The following CHD9 variants were observed in gnomAD, a reference collection of about 807,000 sequenced individuals.
CHD9 encodes ATP-dependent chromatin remodeler CHD9.
In CHD9, 77 loss-of-function variants were observed where a neutral mutation model predicts 316.1. The ratio of observed to expected loss-of-function variants is 0.24; its 90% CI spans 0.20 to 0.29. CHD9 has a LOEUF of 0.29. CHD9 is among the 10% of genes least tolerant of loss of function. The pLI, the probability that CHD9 is intolerant of heterozygous loss-of-function variation, is 1.00. For missense variants in CHD9, 2,763 were observed against 3,438.1 expected, an observed-to-expected ratio of 0.80 and a Z score of 4.91; for synonymous variants, 1,129 against 1,158.3, an observed-to-expected ratio of 0.97 and a Z score of 0.51.
intron 29 of CHD9, 61 bp downstream of exon 29, chr16:53,293,113 C>A: frequency 7.1e-7 from 1 of 1,404,194 alleles, no homozygotes; most frequent in Non-Finnish European, 9.8e-7. Flanking sequence ...ATTCTAAAGC[C>A]TGTCTGGGTA....
In CHD9 at chr16:53,314,882, T is replaced by C. The variant is rs1238933990; in HGVS notation, c.7422T>C (p.Tyr2474=). 1 of 1,613,766 alleles carries C rather than the reference T, an allele frequency of 6.2e-7. No individual in the cohort carries two copies. Among genetic ancestry groups the C allele is most frequent in the East Asian group, 2.2e-5 (1 of 44,870 alleles). ...ISTGINPALS[Y]TQPQGIPDTE... ...CAGGGATAAATCCAGCACTATCCTATACTCAACCTCAAGGAATTCCTGATA... is the reference window on the plus strand; with the variant it reads ...CAGGGATAAATCCAGCACTATCCTACACTCAACCTCAAGGAATTCCTGATA... The change falls in exon 36 of 39, where the codon TAT becomes TAC. Residue 2474 remains tyrosine (Y), a synonymous_variant. Transcript: ENST00000447540.
chr16:53,221,692 C>T (rs1182917048), intron 3 of CHD9, among the ~76,000 whole-genome samples: 1 of 152,038 alleles, frequency 6.6e-6, no homozygotes, highest in East Asian at 1.9e-4. Context: ...TATACTGACA[C>T]ATACATGCTT....
chr16:53,291,363 A>G (rs1455195820), intron 27 of CHD9, among the ~76,000 whole-genome samples: 4 of 152,266 alleles, frequency 2.6e-5, no homozygotes, highest in African/African-American at 9.6e-5. Context: ...ATGAAAATGA[A>G]TAAGTTATCT....
At position 53,142,146 on chromosome 16, in the gene CHD9, A is replaced by G. The variant is rs148222413; in HGVS notation, c.-164-13780A>G. ...GAAAATACATTCAATACTATTAGAT[A>G]TAACAGGCTTGGATCTTGGTAAGTC... On this transcript the variant is annotated intron_variant, in intron 1 of 38. Coordinates refer to ENST00000447540, the MANE Select transcript of CHD9 (RefSeq NM_001308319.2). Among the ~76,000 whole-genome samples, 207 of 152,366 alleles carry G rather than the reference A, an allele frequency of 1.4e-3. 1 individual carries two copies. The highest frequency in any genetic ancestry group is 4.7e-3 in the African/African-American group (197 of 41,592).
chr16:53,127,268 A>G (rs2039012131), intron 1 of CHD9, among the ~76,000 whole-genome samples: 1 of 152,222 alleles, frequency 6.6e-6, no homozygotes, highest in African/African-American at 2.4e-5. Flanking sequence ...AGCTAGTTTC[A>G]GGATCTTGAT....
intron 1 of CHD9, among the ~76,000 whole-genome samples, chr16:53,109,246 C>T (rs953243631): frequency 1.3e-5 from 2 of 152,098 alleles, no homozygotes; most frequent in African/African-American, 4.8e-5. Context: ...TTTAGTGACA[C>T]GTCTCCTGAG....
intron 3 of CHD9, among the ~76,000 whole-genome samples, chr16:53,212,831 A>T (rs1369055289): frequency 6.6e-6 from 1 of 152,208 alleles, no homozygotes; most frequent in Non-Finnish European, 1.5e-5. Flanking sequence ...CTCCTCTGTA[A>T]AATGGGGATA....
In CHD9 at chr16:53,167,601, C is replaced by CT. The variant is rs1430344744; in HGVS notation, c.1452+10061dup. On this transcript the variant is annotated intron_variant, in intron 2 of 38. Coordinates refer to ENST00000447540, the MANE Select transcript of CHD9 (RefSeq NM_001308319.2). ...CATTCTACTTAAAGAAGGTGTTCCT[C>CT]TAAGTTTCTAGCTTAGCTCTTTGTT... 3.3e-5 allele frequency among the ~76,000 whole-genome samples: 5 copies of CT among 151,068 alleles called. No individual in the cohort carries two copies. The East Asian group carries it at 7.7e-4, about 23-fold the overall frequency.
intron 1 of CHD9, among the ~76,000 whole-genome samples, chr16:53,078,089 G>GA (rs1415930113): frequency 2.0e-5 from 3 of 151,906 alleles, no homozygotes; most frequent in South Asian, 2.1e-4. Context: ...AGGAAAAAGA[G>GA]AAAAAAATAT....
intron 1 of CHD9, among the ~76,000 whole-genome samples, chr16:53,079,557 A>G (rs550154076): frequency 1.3e-5 from 2 of 152,162 alleles, no homozygotes; most frequent in Non-Finnish European, 1.5e-5. Flanking sequence ...TGTTATTCAT[A>G]ATAAGCCCCT....
chr16:53,188,007 T>C (rs1289038285), intron 2 of CHD9, among the ~76,000 whole-genome samples: 1 of 152,240 alleles, frequency 6.6e-6, no homozygotes, highest in Non-Finnish European at 1.5e-5. Flanking sequence ...TCCTAATTTA[T>C]TCCTAACACC....
At chr16:53,180,400 T>G (rs2043410717) in intron 2 of CHD9, among the ~76,000 whole-genome samples, 1 of 152,198 alleles carries the variant, frequency 6.6e-6, no homozygotes, top group South Asian at 2.1e-4. Flanking sequence ...TTGCATAATT[T>G]GAGGACAGCA....
intron 1 of CHD9, among the ~76,000 whole-genome samples, chr16:53,135,489 G>A (rs2039646979): frequency 6.6e-6 from 1 of 152,120 alleles, no homozygotes; most frequent in African/African-American, 2.4e-5. Context: ...GAGGTGTGGA[G>A]GAGGAACAAC....
chr16:53,268,284 T>C (rs773091749), intron 22 of CHD9, among the ~76,000 whole-genome samples, 158 bp downstream of exon 22: 2 of 152,220 alleles, frequency 1.3e-5, no homozygotes, highest in Non-Finnish European at 2.9e-5. Flanking sequence ...ATGCCAGTGT[T>C]ATCAGTTTGG....
intron 30 of CHD9, among the ~76,000 whole-genome samples, chr16:53,297,959 G>C (rs1231927871): frequency 6.6e-6 from 1 of 152,196 alleles, no homozygotes; most frequent in Non-Finnish European, 1.5e-5. Context: ...AGGTTAAAAT[G>C]ACAGCTAAAG....
chr16:53,130,721 G>C (rs116470308), intron 1 of CHD9, among the ~76,000 whole-genome samples: 35,761 of 151,604 alleles, frequency 0.24, 4,548 homozygotes, highest in Middle Eastern at 0.29. Flanking sequence ...GCCTCGCACC[G>C]CCCTCCGCCC....
chr16:53,088,470 G>A (rs2035665411), intron 1 of CHD9, among the ~76,000 whole-genome samples: 1 of 151,632 alleles, frequency 6.6e-6, no homozygotes, highest in Admixed American at 6.6e-5. Flanking sequence ...AGTAGAGACG[G>A]GGTTTCACTG....
At chr16:53,106,363 CAA>C (rs1251081580) in intron 1 of CHD9, among the ~76,000 whole-genome samples, 2 of 152,040 alleles carry the variant, frequency 1.3e-5, no homozygotes, top group Admixed American at 1.3e-4. Flanking sequence ...AAAAATGAAC[CAA>C]AGTTTCCTAA....
chr16:53,088,426 T>C (rs554766092), intron 1 of CHD9, among the ~76,000 whole-genome samples: 3 of 152,014 alleles, frequency 2.0e-5, no homozygotes, highest in Admixed American at 1.3e-4. Flanking sequence ...TACAGATGCC[T>C]GCCACCACGC....
Sources: gnomAD v4.1 joint callset for allele counts (sites outside exome capture counted in the v4.1 genomes callset) on GRCh38, gnomAD v4.1.1 for gene constraint, MANE v1.5 for transcripts, NCBI Gene and HGNC (gene_info 2026-07-23, HGNC 2026-07-21) for gene names.